TAOK3: variants seen among roughly 807,000 people sequenced by gnomAD.
TAOK3 encodes the protein TAO kinase 3, also known as serine/threonine-protein kinase TAO3.
TAOK3 carries 40 observed loss-of-function variants against 120.4 expected under a neutral mutation model. The ratio of observed to expected loss-of-function variants is 0.33; its 90% CI spans 0.26 to 0.43. TAOK3 has a LOEUF of 0.43. Among genes scored for constraint, TAOK3 ranks in the 20% least tolerant of loss-of-function variants. TAOK3 has a pLI of 1.00. For missense variants in TAOK3, 821 were observed against 1,112.1 expected (o/e 0.74, Z 3.72); for synonymous variants, 355 against 387.5 (o/e 0.92, Z 0.99).
chr12:118,363,018 C>CAAAAAAAAAAAAAAAAAAAAAAAA (rs60475060), intron 1 of TAOK3, among the ~76,000 whole-genome samples: 1 of 45,862 alleles, frequency 2.2e-5, no homozygotes. Flanking sequence ...GACTCCGTAT[C>CAAAAAAAAAAAAAAAAAAAAAAAA]AAAAAAAAAA....
intron 1 of TAOK3, among the ~76,000 whole-genome samples, chr12:118,320,319 G>T (rs2043649848): frequency 6.6e-6 from 1 of 152,018 alleles, no homozygotes. Context: ...AGCCGGGTAT[G>T]GTGGCTCTTG....
At chr12:118,164,818 A>T (rs1308875640) in intron 17 of TAOK3, among the ~76,000 whole-genome samples, 1 of 152,206 alleles carries the variant, frequency 6.6e-6, no homozygotes, top group East Asian at 1.9e-4. Flanking sequence ...GATATCATCG[A>T]TAACATTTTT....
rs763712898 is a variant in TAOK3 at position 118,150,751 on chromosome 12, C to T, written c.*246G>A. ...ATTTTGAATCACATCAATACTGTGA[C>T]GTGTACTGTGAATAGAAGAGACGGC... On this transcript the variant is annotated 3_prime_UTR_variant, in exon 21 of 21. Coordinates refer to ENST00000392533, the MANE Select transcript of TAOK3 (RefSeq NM_016281.4). The T allele has an allele frequency of 1.9e-4, 89 of 479,454 alleles. No homozygotes were observed. Among genetic ancestry groups the T allele is most frequent in the Non-Finnish European group, 4.1e-5 (11 of 271,416 alleles). The allele number at this position is 479,454 out of a possible 1,614,324, so 29.7% of individuals were successfully genotyped here.
chr12:118,332,677 G>A (rs553193013), intron 1 of TAOK3, among the ~76,000 whole-genome samples: 1 of 152,312 alleles, frequency 6.6e-6, no homozygotes, highest in East Asian at 1.9e-4. Context: ...CCCGACTGCG[G>A]GATGACATAA....
intron 1 of TAOK3, among the ~76,000 whole-genome samples, chr12:118,344,593 GTT>G (rs2044772489): frequency 1.3e-5 from 2 of 151,840 alleles, no homozygotes; most frequent in Non-Finnish European, 2.9e-5. Flanking sequence ...TCACAGTCCT[GTT>G]TTTTAACACT....
intron 20 of TAOK3, among the ~76,000 whole-genome samples, chr12:118,151,458 C>A (rs554985796): frequency 6.6e-6 from 1 of 152,154 alleles, no homozygotes; most frequent in African/African-American, 2.4e-5. Context: ...GCAAGCCCAG[C>A]GGCTGGGCGG....
intron 15 of TAOK3, among the ~76,000 whole-genome samples, 197 bp from the exon 16 acceptor site, chr12:118,177,526 C>A (rs2138786864): frequency 6.6e-6 from 1 of 151,876 alleles, no homozygotes. Flanking sequence ...GAAATTTTCA[C>A]CATTAATAAA....
intron 9 of TAOK3, among the ~76,000 whole-genome samples, chr12:118,226,113 C>T (rs2039492054): frequency 1.3e-5 from 2 of 152,190 alleles, no homozygotes; most frequent in African/African-American, 4.8e-5. Flanking sequence ...CGGTGGCTCA[C>T]GCCTGTAATC....
At chr12:118,281,671 A>G (rs2140423778) in intron 1 of TAOK3, among the ~76,000 whole-genome samples, 1 of 151,660 alleles carries the variant, frequency 6.6e-6, no homozygotes, top group South Asian at 2.1e-4. Context: ...GTAATCCCAG[A>G]TACTCAGGAG....
intron 15 of TAOK3, among the ~76,000 whole-genome samples, chr12:118,180,614 C>T (rs1302189001): frequency 2.6e-5 from 4 of 152,082 alleles, no homozygotes; most frequent in Middle Eastern, 3.2e-3. Flanking sequence ...AAATAATTGC[C>T]GGACTCATTA....
At chr12:118,250,544 A>C (rs1039368904) in intron 3 of TAOK3, among the ~76,000 whole-genome samples, 1 of 152,166 alleles carries the variant, frequency 6.6e-6, no homozygotes, top group African/African-American at 2.4e-5. Flanking sequence ...ACTTATGAAA[A>C]GTACTAATTA....
chr12:118,269,326 T>G (rs2041599842), intron 1 of TAOK3, among the ~76,000 whole-genome samples: 1 of 151,562 alleles, frequency 6.6e-6, no homozygotes, highest in African/African-American at 2.4e-5. Context: ...CATGCTGGGC[T>G]AATTATCCTC....
chr12:118,241,383 A>C (rs1593268034), intron 5 of TAOK3, among the ~76,000 whole-genome samples: 1 of 152,248 alleles, frequency 6.6e-6, no homozygotes, highest in African/African-American at 2.4e-5. Flanking sequence ...TTTATTACAT[A>C]ATTTTCTAAT....
chr12:118,369,674 C>G (rs993834991), intron 1 of TAOK3, among the ~76,000 whole-genome samples: 9 of 152,108 alleles, frequency 5.9e-5, no homozygotes, highest in African/African-American at 2.2e-4. Context: ...GAATATATGC[C>G]TGTTCTAAAT....
intron 1 of TAOK3, among the ~76,000 whole-genome samples, chr12:118,368,386 C>T (rs547549239): frequency 2.0e-5 from 3 of 151,908 alleles, no homozygotes; most frequent in East Asian, 2.0e-4. Context: ...TTAGTAGAGA[C>T]GGGTTTTCAC....
At chr12:118,343,977 A>C (rs1479300978) in intron 1 of TAOK3, among the ~76,000 whole-genome samples, 1 of 150,700 alleles carries the variant, frequency 6.6e-6, no homozygotes, top group African/African-American at 2.4e-5. Context: ...GTGCCACTGC[A>C]CTCCAGCCTG....
intron 1 of TAOK3, among the ~76,000 whole-genome samples, chr12:118,362,809 G>A (rs1372906203): frequency 6.6e-6 from 1 of 152,138 alleles, no homozygotes; most frequent in Non-Finnish European, 1.5e-5. Flanking sequence ...CCTGAGGTCA[G>A]GAGTTCGAGA....
chr12:118,324,284 A>G (rs1008374309), intron 1 of TAOK3, among the ~76,000 whole-genome samples: 2 of 152,196 alleles, frequency 1.3e-5, no homozygotes, highest in Non-Finnish European at 2.9e-5. Flanking sequence ...GAGGCAGGAG[A>G]CAGTCTTTTT....
intron 9 of TAOK3, among the ~76,000 whole-genome samples, chr12:118,232,125 A>C (rs1468656463): frequency 6.6e-6 from 1 of 152,190 alleles, no homozygotes; most frequent in Non-Finnish European, 1.5e-5. Flanking sequence ...CTATAGTAAG[A>C]GTATTTACAT....
Sources: gnomAD v4.1 joint callset for allele counts (sites outside exome capture counted in the v4.1 genomes callset) on GRCh38, gnomAD v4.1.1 for gene constraint, MANE v1.5 for transcripts, NCBI Gene and HGNC (gene_info 2026-07-23, HGNC 2026-07-21) for gene names.